Variants in ADGRL3 observed in about 807,000 individuals in gnomAD.
ADGRL3 encodes calcium-independent alpha-latrotoxin receptor 3.
ADGRL3 carries 62 observed loss-of-function variants against 153.5 expected under a neutral mutation model. The observed-to-expected ratio is 0.40, with a 90% CI of 0.33 to 0.50. The LOEUF (loss-of-function observed/expected upper bound fraction) is 0.50, where lower values mean the gene tolerates loss of function less well. Ranked by LOEUF, ADGRL3 falls within the 20% of genes least tolerant of loss-of-function variation. ADGRL3 has a pLI of 0.47. For synonymous variants in ADGRL3, 710 were observed against 672.5 expected (o/e 1.06, Z -0.86); for missense variants, 1,641 against 1,859.4 (o/e 0.88, Z 2.16).
chr4:61,354,057 A>G (rs2096112105), intron 1 of ADGRL3, among the ~76,000 whole-genome samples: 1 of 152,172 alleles, frequency 6.6e-6, no homozygotes, highest in South Asian at 2.1e-4. Context: ...TAACTCTAAT[A>G]CCAAACATTT....
chr4:61,818,719 GT>G (rs1389361829), intron 9 of ADGRL3, among the ~76,000 whole-genome samples: 2 of 151,936 alleles, frequency 1.3e-5, no homozygotes, highest in African/African-American at 4.8e-5. Flanking sequence ...CCTTAAAATG[GT>G]TGTCCTGATA....
chr4:61,980,103 T>C (rs964528099), intron 18 of ADGRL3, among the ~76,000 whole-genome samples: 2 of 152,114 alleles, frequency 1.3e-5, no homozygotes, highest in African/African-American at 2.4e-5. Flanking sequence ...ATTTTCAACA[T>C]CCTCCACCAG....
chr4:61,675,837 G>C (rs2095172206), intron 5 of ADGRL3, among the ~76,000 whole-genome samples: 1 of 151,626 alleles, frequency 6.6e-6, no homozygotes, highest in Admixed American at 6.6e-5. Context: ...ATTTTTAAAT[G>C]TACAATTAAA....
intron 1 of ADGRL3, among the ~76,000 whole-genome samples, chr4:61,281,691 G>A (rs1362346329): frequency 1.3e-5 from 2 of 152,002 alleles, no homozygotes; most frequent in African/African-American, 2.4e-5. Context: ...GTAGAATTTC[G>A]TTATTAGATC....
Position 61,279,401 on chromosome 4 carries a change from T to G in ADGRL3, c.-240+77636T>G, listed in dbSNP as rs566892034. Reference sequence around the variant, plus strand: ...TTTTCCTGTCATCCAGGTTAGTGTCTTCCCATTCATCCATTCAAAATATGT... The same window carrying G: ...TTTTCCTGTCATCCAGGTTAGTGTCGTCCCATTCATCCATTCAAAATATGT... On this transcript the variant is annotated intron_variant, in intron 1 of 26. Coordinates refer to ENST00000683033, the MANE Select transcript of ADGRL3 (RefSeq NM_001387552.1). 2.4e-4 allele frequency among the ~76,000 whole-genome samples: 36 copies of G among 152,324 alleles called. No individual in the cohort carries two copies. In the South Asian group the frequency reaches 7.5e-3, roughly 32 times the overall value.
intron 25 of ADGRL3, among the ~76,000 whole-genome samples, chr4:62,056,302 TA>T (rs1211205142): frequency 1.3e-5 from 2 of 151,980 alleles, no homozygotes; most frequent in African/African-American, 2.4e-5. Context: ...ACTTCTAATT[TA>T]TTTTTTTCAG....
chr4:61,758,163 T>A (rs979337950), intron 8 of ADGRL3, among the ~76,000 whole-genome samples: 4 of 152,172 alleles, frequency 2.6e-5, no homozygotes, highest in African/African-American at 9.7e-5. Context: ...TTCCTGGAAA[T>A]CCCTGTTAAC....
rs541806593 is a variant in ADGRL3, at chr4:61,816,564, A to G, written c.1480+2675A>G. ...CATGAATATAAGAAGAGGAATTAGA[A>G]CAATTTATAAACTACCATAGGTAGT... is the stretch of plus-strand genomic sequence containing the variant. On this transcript the variant is annotated intron_variant, in intron 9 of 26. Transcript: ENST00000683033. 2.0e-5 allele frequency among the ~76,000 whole-genome samples: 3 copies of G among 152,368 alleles called. No individual in the cohort carries two copies. In the East Asian group the frequency reaches 5.8e-4, roughly 29 times the overall value.
In ADGRL3 at chr4:61,622,934, C is replaced by CA. The variant is rs931129570; in HGVS notation, c.473+35500dup. On this transcript the variant is annotated intron_variant, in intron 5 of 26. Transcript: ENST00000683033. ...GTCATCCTTTTCAGGAAAAATTAAGCAAAAAATGAGAAAACCACCTATTTC... is the reference window on the plus strand; with the variant it reads ...GTCATCCTTTTCAGGAAAAATTAAGCAAAAAAATGAGAAAACCACCTATTTC... Among the ~76,000 whole-genome samples the CA allele has an allele frequency of 2.0e-5, 3 of 151,788 alleles. No homozygotes were observed. In the East Asian group the frequency reaches 5.8e-4, roughly 29 times the overall value.
At chr4:61,799,323 A>G (rs1160078892) in intron 8 of ADGRL3, among the ~76,000 whole-genome samples, 2 of 152,024 alleles carry the variant, frequency 1.3e-5, no homozygotes, top group Non-Finnish European at 2.9e-5. Flanking sequence ...AAAAGACCAG[A>G]TAGTCAATAT....
At position 61,419,399 on chromosome 4, in the gene ADGRL3, C is replaced by T. The variant is rs180740299; in HGVS notation, c.-174+36210C>T. Among the ~76,000 whole-genome samples, 100 of 150,816 alleles carry T rather than the reference C, an allele frequency of 6.6e-4. 3 individuals are homozygous for T. Among genetic ancestry groups the T allele is most frequent in the African/African-American group, 2.4e-3 (96 of 40,734 alleles). ...TTATTCACTTATTCCAGTTCAGGGT[C>T]GCCAGTGGCCAGAGCCAACCCAGGG... On this transcript the variant is annotated intron_variant, in intron 2 of 26. Coordinates refer to ENST00000683033, the MANE Select transcript of ADGRL3 (RefSeq NM_001387552.1).
At chr4:61,533,148 G>A (rs1382792000) in intron 4 of ADGRL3, among the ~76,000 whole-genome samples, 6 of 152,176 alleles carry the variant, frequency 3.9e-5, no homozygotes, top group Non-Finnish European at 7.3e-5. Context: ...TCTGGCCAAT[G>A]AAGACCCAGA....
At chr4:61,465,169 T>C (rs2097864228) in intron 2 of ADGRL3, among the ~76,000 whole-genome samples, 1 of 152,168 alleles carries the variant, frequency 6.6e-6, no homozygotes, top group Non-Finnish European at 1.5e-5. Context: ...TTAAAGTATT[T>C]TGTATATCAA....
chr4:61,463,895 A>C (rs1201346667), intron 2 of ADGRL3, among the ~76,000 whole-genome samples: 1 of 152,128 alleles, frequency 6.6e-6, no homozygotes, highest in Admixed American at 6.6e-5. Flanking sequence ...ACATACTTGA[A>C]GGTGTGTTTG....
rs748448343 is a variant in ADGRL3, at chr4:62,070,654, G to A, written c.4378G>A (p.Ala1460Thr). Residue 1460 changes from alanine (A) to threonine (T), a missense_variant, in exon 27 of 27, where the codon GCT becomes ACT. Physicochemically the swap from Ala to Thr is moderately conservative, Grantham distance 58 (BLOSUM62 0). This residue lies in a region of ADGRL3 where 517 missense variants were observed against 555.0 expected (regional missense o/e 0.93). Transcript: ENST00000683033. ...TCTCTATACCAGCATGCCGACACTG[G>A]CTGGTGTGGCCGCCACAGAGAGTGT... Reference protein sequence around the residue: ...DSLYTSMPTLAGVAATESVTT... With the variant: ...DSLYTSMPTLTGVAATESVTT... The A allele has an allele frequency of 1.2e-4, 188 of 1,551,302 alleles. No individual in the cohort carries two copies. Among genetic ancestry groups the A allele is most frequent in the Non-Finnish European group, 1.6e-4 (179 of 1,146,970 alleles).
At chr4:62,030,478 A>G (rs754868722) in intron 22 of ADGRL3, among the ~76,000 whole-genome samples, 3 of 151,632 alleles carry the variant, frequency 2.0e-5, no homozygotes, top group Non-Finnish European at 4.4e-5. Context: ...CATTTCAGTT[A>G]TGAGTCCCAT....
chr4:61,946,303 C>A (rs984795277), intron 15 of ADGRL3, among the ~76,000 whole-genome samples: 1 of 152,062 alleles, frequency 6.6e-6, no homozygotes, highest in Admixed American at 6.6e-5. Context: ...ATTTTTCATT[C>A]TCTAATTACT....
intron 2 of ADGRL3, among the ~76,000 whole-genome samples, chr4:61,470,617 A>G (rs1174905380): frequency 6.6e-6 from 1 of 151,950 alleles, no homozygotes; most frequent in Non-Finnish European, 1.5e-5. Flanking sequence ...TTAACTTTCT[A>G]TATTAAAAGG....
chr4:61,593,306 T>G (rs2098976740), intron 5 of ADGRL3, among the ~76,000 whole-genome samples: 1 of 152,180 alleles, frequency 6.6e-6, no homozygotes, highest in African/African-American at 2.4e-5. Context: ...TACAGTGTTA[T>G]ACTAATCTGT....
Sources: gnomAD v4.1 joint callset for allele counts (sites outside exome capture counted in the v4.1 genomes callset) on GRCh38, gnomAD v4.1.1 for gene constraint, gnomAD v4.1.1 regional missense constraint, MANE v1.5 for transcripts, NCBI Gene and HGNC (gene_info 2026-07-23, HGNC 2026-07-21) for gene names.